Variants in DACH2 observed in about 807,000 individuals in gnomAD.
The protein encoded by DACH2 is dachshund family transcription factor 2.
DACH2 carries 17 observed loss-of-function variants against 35.8 expected under a neutral mutation model. That is an observed-to-expected ratio of 0.48 (90% confidence interval 0.33 to 0.71). The LOEUF is 0.71. DACH2 is among the 30% of genes least tolerant of loss of function. The probability of loss-of-function intolerance (pLI) is 0.02; values close to 1 mark genes in which losing one functional copy is unlikely to be tolerated. For synonymous variants in DACH2, 195 were observed against 177.3 expected (o/e 1.10, Z -0.79); for missense variants, 469 against 472.7 (o/e 0.99, Z 0.07).
rs982680819 is a variant in DACH2 at position 86,184,778 on chromosome X, T to A, written c.488+35670T>A. On this transcript the variant is annotated intron_variant, in intron 1 of 11. Transcript: ENST00000373125. The stretch of plus-strand genomic sequence containing the variant: ...CGAGTGCTACCAATATCACTTGAGT[T>A]CTTAAAGCACTTCTACAGAATCTGA... Among the ~76,000 whole-genome samples, 32 of 112,223 alleles carry A rather than the reference T, an allele frequency of 2.9e-4. 1 individual carries two copies. The highest frequency in any genetic ancestry group is 9.4e-5 in the Non-Finnish European group (5 of 53,272).
At chrX:86,729,442 AGACTTTG>A (rs1306116001) in intron 6 of DACH2, among the ~76,000 whole-genome samples, 6 of 111,711 alleles carry the variant, frequency 5.4e-5, no homozygotes, top group Admixed American at 3.8e-4. Context: ...GTCTCACACG[AGACTTTG>A]GACTTTGGAC....
chrX:86,563,698 A>T (rs5923561), intron 3 of DACH2, among the ~76,000 whole-genome samples: 35,297 of 109,156 alleles, frequency 0.32, 4,654 homozygotes, highest in Middle Eastern at 0.46. Flanking sequence ...GTCACTCACT[A>T]GTTCTGTGTC....
intron 3 of DACH2, among the ~76,000 whole-genome samples, chrX:86,562,159 G>A (rs1042540537): frequency 1.8e-3 from 194 of 110,433 alleles, no homozygotes; most frequent in Non-Finnish European, 3.2e-3. Flanking sequence ...CATGGGGGTG[G>A]CCAGGTATTA....
chrX:86,786,423 C>A (rs1210621239), intron 7 of DACH2, among the ~76,000 whole-genome samples: 1 of 111,694 alleles, frequency 9.0e-6, no homozygotes, highest in East Asian at 2.8e-4. Context: ...AGCCACGAGC[C>A]ATATGCCTTT....
intron 1 of DACH2, among the ~76,000 whole-genome samples, chrX:86,281,206 A>G (rs1326540742): frequency 3.6e-5 from 4 of 111,307 alleles, no homozygotes; most frequent in African/African-American, 1.3e-4. Flanking sequence ...AACACACAAA[A>G]TTTCAGGCCA....
chrX:86,167,598 T>A (rs1243335951), intron 1 of DACH2, among the ~76,000 whole-genome samples: 1 of 111,541 alleles, frequency 9.0e-6, no homozygotes, highest in Non-Finnish European at 1.9e-5. Flanking sequence ...GAGTTTGATT[T>A]GCTCTTGCTT....
chrX:86,801,473 G>A (rs922563886), intron 7 of DACH2, among the ~76,000 whole-genome samples: 2 of 111,965 alleles, frequency 1.8e-5, no homozygotes, highest in African/African-American at 6.5e-5. Flanking sequence ...ACATACGTGG[G>A]TGTGCGTGAA....
intron 3 of DACH2, among the ~76,000 whole-genome samples, chrX:86,578,640 G>A (rs2039465043): frequency 9.0e-6 from 1 of 111,683 alleles, no homozygotes; most frequent in African/African-American, 3.3e-5. Context: ...ACACTGTATG[G>A]ACGTACTATA....
intron 1 of DACH2, among the ~76,000 whole-genome samples, chrX:86,233,112 T>A (rs2032984490): frequency 9.0e-6 from 1 of 111,695 alleles, no homozygotes; most frequent in Admixed American, 9.5e-5. Flanking sequence ...TACTGCTTGT[T>A]CTCACTTATA....
At chrX:86,575,038 G>A (rs62593323) in intron 3 of DACH2, among the ~76,000 whole-genome samples, 5,542 of 111,216 alleles carry the variant, frequency 0.05, 117 homozygotes, top group Middle Eastern at 0.1. Context: ...TATGAGAGAT[G>A]GGTGAAAAAT....
At position 86,205,021 on chromosome X, in the gene DACH2, A is replaced by G. The variant is rs187596412; in HGVS notation, c.488+55913A>G. On this transcript the variant is annotated intron_variant, in intron 1 of 11. Coordinates refer to ENST00000373125, the MANE Select transcript of DACH2 (RefSeq NM_053281.3). ...CACTTTTCAAATTGTAGTTAAAGCA[A>G]TAAGTGATGAGTACAGTTAGAATAA... Among the ~76,000 whole-genome samples the G allele has an allele frequency of 1.1e-3, 120 of 112,488 alleles. 1 individual carries two copies. The highest frequency in any genetic ancestry group is 2.7e-3 in the Admixed American group (29 of 10,613).
At chrX:86,661,918 T>C (rs2040609357) in intron 4 of DACH2, among the ~76,000 whole-genome samples, 1 of 112,059 alleles carries the variant, frequency 8.9e-6, no homozygotes, top group Non-Finnish European at 1.9e-5. Context: ...TTCCCCTTTT[T>C]AGAGGCAAGC....
chrX:86,286,002 G>C (rs868555170), intron 1 of DACH2, among the ~76,000 whole-genome samples: 5 of 109,465 alleles, frequency 4.6e-5, no homozygotes, highest in African/African-American at 1.0e-4. Flanking sequence ...GTTTGCCTTG[G>C]ATGGCATATC....
chrX:86,730,481 A>G (rs971196394), intron 6 of DACH2, among the ~76,000 whole-genome samples: 1 of 111,894 alleles, frequency 8.9e-6, no homozygotes, highest in Non-Finnish European at 1.9e-5. Flanking sequence ...AATTCAAGCA[A>G]GTCAATCTGT....
intron 1 of DACH2, among the ~76,000 whole-genome samples, chrX:86,372,603 A>G (rs1355138279): frequency 9.0e-6 from 1 of 110,928 alleles, no homozygotes; most frequent in Non-Finnish European, 1.9e-5. Context: ...GTGCCAAACC[A>G]GTAAGAATGT....
At chrX:86,422,705 T>C (rs1356403636) in intron 2 of DACH2, among the ~76,000 whole-genome samples, 1 of 111,227 alleles carries the variant, frequency 9.0e-6, no homozygotes, top group Non-Finnish European at 1.9e-5. Flanking sequence ...TTTTAAAATG[T>C]ACAATAAGTT....
At chrX:86,233,358 G>A (rs777205679) in intron 1 of DACH2, among the ~76,000 whole-genome samples, 1 of 111,884 alleles carries the variant, frequency 8.9e-6, no homozygotes, top group East Asian at 2.8e-4. Context: ...AAAAAAGAAA[G>A]AAAGAAAAGA....
In DACH2 at chrX:86,307,378, A is replaced by T. The variant is rs2034710305; in HGVS notation, c.489-69446A>T. The stretch of plus-strand genomic sequence containing the variant: ...TTCCTTGCCAGGTGTCTACTGTTAA[A>T]GTGAGGGCATTTATTGGAAAATAAT... On this transcript the variant is annotated intron_variant, in intron 1 of 11. Coordinates refer to ENST00000373125, the MANE Select transcript of DACH2 (RefSeq NM_053281.3). Among the ~76,000 whole-genome samples the T allele has an allele frequency of 2.7e-5, 3 of 112,024 alleles. No homozygotes were observed. The Admixed American group carries it at 2.8e-4, about 11-fold the overall frequency.
chrX:86,281,555 G>T (rs1158705116), intron 1 of DACH2, among the ~76,000 whole-genome samples: 1 of 111,533 alleles, frequency 9.0e-6, no homozygotes, highest in Non-Finnish European at 1.9e-5. Context: ...TACTGAATGG[G>T]CAAAAGCTGG....
Sources: gnomAD v4.1 joint callset for allele counts (sites outside exome capture counted in the v4.1 genomes callset) on GRCh38, gnomAD v4.1.1 for gene constraint, MANE v1.5 for transcripts, NCBI Gene and HGNC (gene_info 2026-07-23, HGNC 2026-07-21) for gene names.